The following FAM120B variants were observed in gnomAD, a reference collection of about 807,000 sequenced individuals.
FAM120B encodes the protein constitutive coactivator of peroxisome proliferator-activated receptor gamma.
FAM120B carries 83 observed loss-of-function variants against 96.3 expected under a neutral mutation model. The observed-to-expected ratio is 0.86, with a 90% confidence interval of 0.72 to 1.03. FAM120B has a LOEUF of 1.03. Among genes scored for constraint, FAM120B ranks in the 50% least tolerant of loss-of-function variants. FAM120B has a pLI of 0.00. For missense variants in FAM120B, 1,027 were observed against 1,121.2 expected, an observed-to-expected ratio of 0.92 and a Z score of 1.20; for synonymous variants, 407 against 402.7, an observed-to-expected ratio of 1.01 and a Z score of -0.13.
chr6:170,348,250 C>T lies in FAM120B; in HGVS notation c.2117C>T (p.Ser706Leu), dbSNP rs1787339012. 1 of 1,613,944 alleles carries T rather than the reference C, an allele frequency of 6.2e-7. No homozygotes were observed. The highest frequency in any genetic ancestry group is 1.3e-5 in the African/African-American group (1 of 74,908). Residue 706 changes from serine to leucine, a missense_variant, in exon 5 of 11, where the codon TCA becomes TTA. By Grantham distance (145) the Ser-to-Leu change is moderately radical (BLOSUM62 -2). Around this residue, in one of 3 missense-constraint regions of FAM120B, gnomAD observed 880 missense variants for 980.9 expected, o/e 0.90. Coordinates refer to ENST00000476287, the MANE Select transcript of FAM120B (RefSeq NM_032448.3). ...CTAGCCTGTTTCAATCTTTCCTCCT[C>T]AAGAGAAGAGCTGCAGGCTGTCGAA... ...TLLACFNLSS[S>L]REELQAVESP...
chr6:170,318,170 AG>A lies in FAM120B; in HGVS notation c.782del (p.Gly261ValfsTer5). 1 of 1,614,228 alleles carries A rather than the reference AG, an allele frequency of 6.2e-7. No individual in the cohort carries two copies. Among genetic ancestry groups the A allele is most frequent in the Non-Finnish European group, 8.5e-7 (1 of 1,180,038 alleles). ...TSVKENFDKK[G>X]NIILAVSDHI... ...CTGTAAAAGAGAACTTTGACAAAAA[AG>A]GTAACATCATATTAGCTGTGTCAGA... On this transcript the variant is annotated frameshift_variant, in exon 2 of 11. Transcript: ENST00000476287. LOFTEE classifies it high-confidence loss of function.
At chr6:170,364,781 C>G (rs1788668286) in intron 6 of FAM120B, among the ~76,000 whole-genome samples, 1 of 152,210 alleles carries the variant, frequency 6.6e-6, no homozygotes, top group Non-Finnish European at 1.5e-5. Context: ...GCATGCCTTT[C>G]TTTCCTCCCC....
At chr6:170,380,955 GA>G (rs1191471889) in intron 6 of FAM120B, among the ~76,000 whole-genome samples, 1 of 152,214 alleles carries the variant, frequency 6.6e-6, no homozygotes, top group African/African-American at 2.4e-5. Context: ...CTGCCTCCAG[GA>G]ATAGAAGACT....
intron 5 of FAM120B, among the ~76,000 whole-genome samples, chr6:170,350,502 AG>A (rs1427016040): frequency 2.6e-5 from 4 of 152,226 alleles, no homozygotes; most frequent in Admixed American, 2.6e-4. Context: ...TCCTCCCAGT[AG>A]GGGTCTCCAG....
At chr6:170,376,810 T>C (rs1241766045) in intron 6 of FAM120B, among the ~76,000 whole-genome samples, 1 of 152,160 alleles carries the variant, frequency 6.6e-6, no homozygotes, top group East Asian at 1.9e-4. Context: ...TGGTAAGAAA[T>C]AGAAGTCTGA....
At chr6:170,336,416 C>T (rs1562540575) in intron 4 of FAM120B, among the ~76,000 whole-genome samples, 1 of 152,086 alleles carries the variant, frequency 6.6e-6, no homozygotes, top group South Asian at 2.1e-4. Flanking sequence ...GTACCAGTAC[C>T]ACGCTGTTTT....
At chr6:170,361,037 A>G (rs1788324259) in intron 6 of FAM120B, among the ~76,000 whole-genome samples, 1 of 151,880 alleles carries the variant, frequency 6.6e-6, no homozygotes. Flanking sequence ...TGAGCCACAG[A>G]GGTGTGTGCC....
intron 2 of FAM120B, among the ~76,000 whole-genome samples, chr6:170,322,016 T>C (rs951467482): frequency 2.6e-5 from 4 of 152,368 alleles, no homozygotes; most frequent in Admixed American, 6.5e-5. Context: ...CTAGATGAAC[T>C]TATTCTCACA....
intron 4 of FAM120B, 54 bp downstream of exon 4, chr6:170,330,604 A>T (rs1018075302): frequency 3.0e-6 from 4 of 1,352,686 alleles, no homozygotes; most frequent in Non-Finnish European, 4.2e-6. Context: ...CTATGATAAA[A>T]GTCTAAGAAT....
At chr6:170,355,794 T>C (rs188583940) in intron 5 of FAM120B, among the ~76,000 whole-genome samples, 248 of 152,344 alleles carry the variant, frequency 1.6e-3, no homozygotes, top group African/African-American at 5.6e-3. Flanking sequence ...GTATGCACTA[T>C]TGGTTAATAT....
intron 4 of FAM120B, among the ~76,000 whole-genome samples, chr6:170,333,653 T>C (rs1028334829): frequency 1.3e-5 from 2 of 151,712 alleles, no homozygotes; most frequent in Non-Finnish European, 2.9e-5. Flanking sequence ...ACCCAACTAA[T>C]TTTTGTATTT....
chr6:170,295,339 G>T lies in FAM120B; in HGVS notation c.-67G>T. ...TGTTCACACTCGGTTGCCGCGCGTG[G>T]ACTTACAAGCCCACGAAGCCATCGT... is the stretch of plus-strand genomic sequence containing the variant. On this transcript the variant is annotated 5_prime_UTR_variant, in exon 1 of 11. Transcript: ENST00000537664. This position sits in a 1 kb window ranked among gnomAD's most constrained non-coding sequence, Gnocchi z 7.8. 1.4e-6 allele frequency: 1 copy of T among 698,030 alleles called. No individual in the cohort carries two copies. Among genetic ancestry groups the T allele is most frequent in the Non-Finnish European group, 2.6e-6 (1 of 382,898 alleles). 43.2% of individuals were successfully genotyped at this position (698,030 alleles called of 1,614,324 possible). A position where few individuals can be genotyped will look rare whatever the true frequency, so the allele number is the denominator to read the frequency against.
chr6:170,368,818 GC>G (rs1788969768), intron 6 of FAM120B, among the ~76,000 whole-genome samples: 2 of 65,266 alleles, frequency 3.1e-5, no homozygotes, highest in South Asian at 6.2e-4. Context: ...GTCTGCCGGG[GC>G]TGGGGGGGGG....
At chr6:170,393,441 C>T (rs1336560202) in intron 8 of FAM120B, among the ~76,000 whole-genome samples, 2 of 152,180 alleles carry the variant, frequency 1.3e-5, no homozygotes, top group African/African-American at 4.8e-5. Flanking sequence ...TAAATTTTGA[C>T]TATTTTCTAA....
intron 6 of FAM120B, among the ~76,000 whole-genome samples, chr6:170,368,538 T>C (rs1035273401): frequency 2.0e-5 from 3 of 152,098 alleles, no homozygotes; most frequent in African/African-American, 7.2e-5. Flanking sequence ...AATACAGGAT[T>C]GTGTAATATG....
At chr6:170,362,032 G>A (rs953727158) in intron 6 of FAM120B, among the ~76,000 whole-genome samples, 1 of 152,144 alleles carries the variant, frequency 6.6e-6, no homozygotes, top group Non-Finnish European at 1.5e-5. Context: ...GACCTCAAGT[G>A]ATCTACTCAC....
intron 1 of FAM120B, among the ~76,000 whole-genome samples, chr6:170,299,869 A>G (rs1214321844): frequency 6.6e-6 from 1 of 152,238 alleles, no homozygotes; most frequent in Non-Finnish European, 1.5e-5. Flanking sequence ...ATGCCCTGTC[A>G]GTCACTCCAT....
At chr6:170,309,014 A>G (rs1292404795) in intron 1 of FAM120B, among the ~76,000 whole-genome samples, 2 of 152,090 alleles carry the variant, frequency 1.3e-5, no homozygotes, top group Non-Finnish European at 2.9e-5. Context: ...CTGAGTTGCC[A>G]CTCCCTTTAA....
Position 170,370,977 on chromosome 6 carries a change from G to A in FAM120B, c.2283+12659G>A, listed in dbSNP as rs1024122350. Among the ~76,000 whole-genome samples, 1 of 152,092 alleles carries A rather than the reference G, an allele frequency of 6.6e-6. No homozygotes were observed. Among genetic ancestry groups the A allele is most frequent in the Non-Finnish European group, 1.5e-5 (1 of 68,016 alleles). ...ATATCTCAATACGGATGGATGGATA[G>A]ACAGACATTATTTAGACAAAGTCAC... On this transcript the variant is annotated intron_variant, in intron 6 of 10. Coordinates refer to ENST00000476287, the MANE Select transcript of FAM120B (RefSeq NM_032448.3). This position sits in a 1 kb window ranked among gnomAD's most constrained non-coding sequence, Gnocchi z 4.3.
Sources: allele counts gnomAD v4.1 joint callset (sites outside exome capture counted in the v4.1 genomes callset), GRCh38; gene constraint gnomAD v4.1.1; regional missense constraint gnomAD v4.1.1; non-coding constraint Gnocchi (gnomAD v3.1); transcripts MANE v1.5; gene names NCBI Gene and HGNC (gene_info 2026-07-23, HGNC 2026-07-21).